ACTG1: variants seen among roughly 807,000 people sequenced by gnomAD.
ACTG1 encodes the protein actin gamma 1, also known as actin, cytoplasmic 2.
In ACTG1, 14 loss-of-function variants were observed where a neutral mutation model predicts 34.3. That is an observed-to-expected ratio of 0.41 (90% CI 0.27 to 0.64). The LOEUF (loss-of-function observed/expected upper bound fraction) is 0.64. Among genes scored for constraint, ACTG1 ranks in the 30% least tolerant of loss-of-function variants. The pLI is 0.33. For missense variants in ACTG1, 233 were observed against 529.5 expected, an observed-to-expected ratio of 0.44 and a Z score of 5.50; for synonymous variants, 422 against 213.9, an observed-to-expected ratio of 1.97 and a Z score of -8.49.
At chr17:81,512,183 C>G (rs1489071117) in intron 2 of ACTG1, 41 bp from the exon 3 acceptor site, 4 of 1,613,242 alleles carry the variant, frequency 2.5e-6, no homozygotes, top group Non-Finnish European at 3.4e-6. Context: ...CGACACCGAA[C>G]CCACCCCGCA....
intron 3 of ACTG1, 64 bp from the exon 4 acceptor site, chr17:81,511,690 G>A (rs1298219981): frequency 3.2e-5 from 50 of 1,547,374 alleles, no homozygotes; most frequent in East Asian, 6.7e-5. Flanking sequence ...ATGCTCACAC[G>A]CCACAACATG....
At chr17:81,511,740 C>G in intron 3 of ACTG1, 114 bp from the exon 4 acceptor site, 1 of 1,515,580 alleles carries the variant, frequency 6.6e-7, no homozygotes, top group Non-Finnish European at 9.0e-7. Flanking sequence ...GAAAAGAACG[C>G]AGGCAGAAAC....
At position 81,510,564 on chromosome 17, in the gene ACTG1, G is replaced by A. The variant is rs140458109; in HGVS notation, c.*126C>T. On this transcript the variant is annotated 3_prime_UTR_variant, in exon 6 of 6. Transcript: ENST00000573283. ...GCTGATATCAGATACAAGCTTCAAG[G>A]ACAATTTCTTTTCGAAGGCTTATTC... is the stretch of plus-strand genomic sequence containing the variant. 1.1e-5 allele frequency: 14 copies of A among 1,248,532 alleles called. No homozygotes were observed. Among genetic ancestry groups the A allele is most frequent in the East Asian group, 2.3e-5 (1 of 42,622 alleles). The allele number at this position is 1,248,532 out of a possible 1,614,324, so 77.3% of individuals were successfully genotyped here.
In ACTG1 at chr17:81,510,933, C is replaced by T. The variant is rs139339869; in HGVS notation, c.978G>A (p.Lys326=). 58 of 1,614,070 alleles carry T rather than the reference C, an allele frequency of 3.6e-5. No individual in the cohort carries two copies. In the African/African-American group the frequency reaches 6.1e-4, roughly 17 times the overall value. ...EITALAPSTM[K]IKIIAPPERK... ...CACCAACCCCTCGACTCACCTTGAT[C>T]TTCATGGTGCTGGGCGCCAGGGCGG... Residue 326 remains lysine (K), a synonymous_variant, in exon 5 of 6, where the codon AAG becomes AAA. Transcript: ENST00000573283.
rs782298754 is a variant in ACTG1, at chr17:81,510,652, A to G, written c.*38T>C. 1.2e-6 allele frequency: 2 copies of G among 1,612,784 alleles called. No individual in the cohort carries two copies. Among genetic ancestry groups the G allele is most frequent in the South Asian group, 2.2e-5 (2 of 91,034 alleles). ...CAGGGGCAAATTTCTATTCTCAATTAACCCATGCAGCAAATGCTACGCATC... is the reference window on the plus strand; with the variant it reads ...CAGGGGCAAATTTCTATTCTCAATTGACCCATGCAGCAAATGCTACGCATC... On this transcript the variant is annotated 3_prime_UTR_variant, in exon 6 of 6. Transcript: ENST00000573283.
Position 81,511,187 on chromosome 17 carries a change from C to G in ACTG1, c.802+1G>C. ...AGAAACCTTTAGCTCACAACACCTA[C>G]CCAGGAAGGAAGGCTGGAACAGCGC... On this transcript the variant is annotated splice_donor_variant, in intron 4 of 5. Transcript: ENST00000573283. LOFTEE classifies it high-confidence loss of function. 1 of 1,613,700 alleles carries G rather than the reference C, an allele frequency of 6.2e-7. No homozygotes were observed. The highest frequency in any genetic ancestry group is 8.5e-7 in the Non-Finnish European group (1 of 1,180,030).
intron 3 of ACTG1, 38 bp downstream of exon 3, chr17:81,511,865 A>G: frequency 1.2e-6 from 2 of 1,612,712 alleles, no homozygotes. Context: ...ATGACTGGGG[A>G]AAGGACGGGA....
chr17:81,512,690 C>T (rs1555667499), intron 1 of ACTG1, 44 bp downstream of exon 1: 4 of 400,374 alleles, frequency 1.0e-5, no homozygotes, highest in East Asian at 6.5e-5. Flanking sequence ...TCGGGGGGCG[C>T]AGGCCTGCGA....
Position 81,512,172 on chromosome 17 carries a change from G to T in ACTG1, c.124-30C>A. 1.9e-6 allele frequency: 3 copies of T among 1,613,284 alleles called. No homozygotes were observed. In the South Asian group the frequency reaches 3.3e-5, roughly 18 times the overall value. On this transcript the variant is annotated intron_variant, in intron 2 of 5. Coordinates refer to ENST00000573283, the MANE Select transcript of ACTG1 (RefSeq NM_001614.5). ...AGGGGACGACCCGTCAGCCTCGCCG[G>T]CGACACCGAACCCACCCCGCAACGC...
rs1555666315 is a variant in ACTG1, at chr17:81,510,654, C to T, written c.*36G>A. 2.5e-6 allele frequency: 4 copies of T among 1,613,020 alleles called. No individual in the cohort carries two copies. The highest frequency in any genetic ancestry group is 1.7e-5 in the Admixed American group (1 of 60,024). Reference sequence around the variant, plus strand: ...GGGGCAAATTTCTATTCTCAATTAACCCATGCAGCAAATGCTACGCATCTG... The same window carrying T: ...GGGGCAAATTTCTATTCTCAATTAATCCATGCAGCAAATGCTACGCATCTG... On this transcript the variant is annotated 3_prime_UTR_variant, in exon 6 of 6. Transcript: ENST00000573283.
rs186443800 is a variant in ACTG1, at chr17:81,511,414, G to C, written c.576C>G (p.Ile192Met). The C allele has an allele frequency of 2.5e-6, 4 of 1,613,824 alleles. No individual in the cohort carries two copies. The highest frequency in any genetic ancestry group is 1.3e-5 in the African/African-American group (1 of 74,932). The change falls in exon 4 of 6, where the codon ATC becomes ATG. Residue 192 changes from isoleucine (I) to methionine (M), a missense_variant. Physicochemically the swap from Ile to Met is conservative, Grantham distance 10. Coordinates refer to ENST00000573283, the MANE Select transcript of ACTG1 (RefSeq NM_001614.5). ...TGAAGCTGTAGCCTCGCTCAGTGAG[G>C]ATCTTCATGAGGTAGTCGGTCAGGT... Reference protein sequence around the residue: ...GRDLTDYLMKILTERGYSFTT... With the variant: ...GRDLTDYLMKMLTERGYSFTT...
chr17:81,512,553 C>A (rs1419049776), intron 1 of ACTG1, 181 bp downstream of exon 1: 8 of 890,876 alleles, frequency 9.0e-6, no homozygotes, highest in East Asian at 8.2e-5. Flanking sequence ...GTCTGCACTG[C>A]GGCCGGGCCC....
Position 81,510,047 on chromosome 17 carries a change from A to G in ACTG1, c.*643T>C, listed in dbSNP as rs1448284697. 2.2e-6 allele frequency: 1 copy of G among 451,262 alleles called. No homozygotes were observed. Among genetic ancestry groups the G allele is most frequent in the Non-Finnish European group, 4.4e-6 (1 of 225,608 alleles). The allele number at this position is 451,262 out of a possible 1,614,324, so 28.0% of individuals were successfully genotyped here. A position where few individuals can be genotyped will look rare whatever the true frequency, so the allele number is the denominator to read the frequency against. ...GCCTAATGTTCTCACATAACAGTAG[A>G]AAACCAAAATTTGTTGTCATCTCTT... On this transcript the variant is annotated 3_prime_UTR_variant, in exon 6 of 6. Coordinates refer to ENST00000573283, the MANE Select transcript of ACTG1 (RefSeq NM_001614.5).
At position 81,512,068 on chromosome 17, in the gene ACTG1, G is replaced by T. The variant is rs147032031; in HGVS notation, c.198C>A (p.Thr66=). 1 of 1,613,952 alleles carries T rather than the reference G, an allele frequency of 6.2e-7. No individual in the cohort carries two copies. Among genetic ancestry groups the T allele is most frequent in the South Asian group, 1.1e-5 (1 of 91,090 alleles). ...TGCCATGCTCAATGGGGTACTTCAG[G>T]GTCAGGATGCCACGCTTGCTCTGGG... ...DEAQSKRGIL[T]LKYPIEHGIV... Residue 66 remains threonine (T), a synonymous_variant, in exon 3 of 6, where the codon ACC becomes ACA. Coordinates refer to ENST00000573283, the MANE Select transcript of ACTG1 (RefSeq NM_001614.5).
rs782213169 is a variant in ACTG1 at position 81,512,757 on chromosome 17, G to C, written c.-30C>G. On this transcript the variant is annotated 5_prime_UTR_variant, in exon 1 of 6. Coordinates refer to ENST00000573283, the MANE Select transcript of ACTG1 (RefSeq NM_001614.5). ...ACCGGCAGAGAAACGCGACGGCGGAGCGGCGGAAGAACAGAGTGCGAGAGC... is the reference window on the plus strand; with the variant it reads ...ACCGGCAGAGAAACGCGACGGCGGACCGGCGGAAGAACAGAGTGCGAGAGC... 8.7e-5 allele frequency: 36 copies of C among 414,028 alleles called. No individual in the cohort carries two copies. The highest frequency in any genetic ancestry group is 7.9e-4 in the African/African-American group (36 of 45,742). 25.6% of individuals were successfully genotyped at this position (414,028 alleles called of 1,614,324 possible).
In ACTG1 at chr17:81,512,756, A is replaced by G. The variant is rs781946048; in HGVS notation, c.-29T>C. ...CACCGGCAGAGAAACGCGACGGCGGAGCGGCGGAAGAACAGAGTGCGAGAG... is the reference window on the plus strand; with the variant it reads ...CACCGGCAGAGAAACGCGACGGCGGGGCGGCGGAAGAACAGAGTGCGAGAG... On this transcript the variant is annotated 5_prime_UTR_variant, in exon 1 of 6. Transcript: ENST00000573283. The G allele has an allele frequency of 9.7e-6, 4 of 412,720 alleles. No individual in the cohort carries two copies. Among genetic ancestry groups the G allele is most frequent in the African/African-American group, 4.4e-5 (2 of 45,420 alleles). The allele number at this position is 412,720 out of a possible 1,614,324, so 25.6% of individuals were successfully genotyped here.
Position 81,510,301 on chromosome 17 carries a change from A to T in ACTG1, c.*389T>A, listed in dbSNP as rs1310457587. ...TCTTGCCAGCCTCTAGAGAAATCCCAGAACACTCAGCCCTGACACGTTAAT... is the reference window on the plus strand; with the variant it reads ...TCTTGCCAGCCTCTAGAGAAATCCCTGAACACTCAGCCCTGACACGTTAAT... On this transcript the variant is annotated 3_prime_UTR_variant, in exon 6 of 6. Coordinates refer to ENST00000573283, the MANE Select transcript of ACTG1 (RefSeq NM_001614.5). 6.4e-6 allele frequency: 3 copies of T among 467,294 alleles called. No homozygotes were observed. The highest frequency in any genetic ancestry group is 1.2e-5 in the Non-Finnish European group (3 of 249,992). The allele number at this position is 467,294 out of a possible 1,614,324, so 28.9% of individuals were successfully genotyped here.
Position 81,512,123 on chromosome 17 carries a change from C to G in ACTG1, c.143G>C (p.Gly48Ala). 6.2e-7 allele frequency: 1 copy of G among 1,613,716 alleles called. No individual in the cohort carries two copies. The change falls in exon 3 of 6, where the codon GGC becomes GCC. Residue 48 changes from glycine to alanine, a missense_variant. Gly to Ala is a moderately conservative substitution (Grantham distance 60). Transcript: ENST00000573283. ...GTCGCCCACGTAGGAGTCCTTCTGG[C>G]CCATGCCCACCATGACGCCCTGCAG... ...PRHQGVMVGM[G>A]QKDSYVGDEA... is the part of the protein sequence containing the mutation.
rs375069806 is a variant in ACTG1 at position 81,512,346 on chromosome 17, T to C, written c.9A>G (p.Glu3=). The C allele has an allele frequency of 4.1e-5, 66 of 1,613,866 alleles. No individual in the cohort carries two copies. Among genetic ancestry groups the C allele is most frequent in the South Asian group, 7.7e-5 (7 of 91,084 alleles). ...TGTCAATGACCAGCGCGGCGATCTC[T>C]TCTTCCATTGCGACCTGCCCGGAAA... The part of the protein sequence containing the change: ME[E]EIAALVIDNG... The change falls in exon 2 of 6, where the codon GAA becomes GAG. Residue 3 remains glutamate (E), a synonymous_variant. Transcript: ENST00000573283.
Sources: allele counts gnomAD v4.1 joint callset, GRCh38; gene constraint gnomAD v4.1.1; transcripts MANE v1.5; gene names NCBI Gene and HGNC (gene_info 2026-07-23, HGNC 2026-07-21).